MED12L: variants seen among roughly 807,000 people sequenced by gnomAD.
MED12L encodes the protein mediator of RNA polymerase II transcription subunit 12-like protein.
A neutral mutation model predicts 281.3 loss-of-function variants in MED12L; 60 were observed. That is an observed-to-expected ratio of 0.21 (90% CI 0.17 to 0.26). MED12L has a LOEUF of 0.26. MED12L is among the 10% of genes least tolerant of loss of function. The probability of loss-of-function intolerance (pLI) is 1.00; values close to 1 mark genes in which losing one functional copy is unlikely to be tolerated. For missense variants in MED12L, 2,146 were observed against 2,680.9 expected (o/e 0.80, Z 4.41); for synonymous variants, 974 against 987.2 (o/e 0.99, Z 0.25).
intron 16 of MED12L, among the ~76,000 whole-genome samples, chr3:151,250,208 G>T (rs1309614794): frequency 6.6e-6 from 1 of 152,078 alleles, no homozygotes; most frequent in African/African-American, 2.4e-5. Flanking sequence ...CCTCCTCATT[G>T]CACATTCCTC....
chr3:151,118,730 G>T (rs534455588), intron 3 of MED12L, among the ~76,000 whole-genome samples: 2 of 149,708 alleles, frequency 1.3e-5, no homozygotes, highest in African/African-American at 4.9e-5. Flanking sequence ...GTCTTGCTCC[G>T]TCGCCCAGGC....
chr3:151,273,119 C>A (rs1344261429), intron 16 of MED12L, among the ~76,000 whole-genome samples: 1 of 152,032 alleles, frequency 6.6e-6, no homozygotes, highest in African/African-American at 2.4e-5. Context: ...AATATTCAAC[C>A]TCTGTATCTC....
intron 16 of MED12L, among the ~76,000 whole-genome samples, chr3:151,274,527 G>C (rs961188325): frequency 4.6e-5 from 7 of 152,136 alleles, no homozygotes; most frequent in African/African-American, 1.7e-4. Context: ...AACACTAAAG[G>C]CCACCTCCTA....
chr3:151,087,222 A>G (rs1719365736), intron 2 of MED12L, among the ~76,000 whole-genome samples, 197 bp downstream of exon 2: 2 of 152,188 alleles, frequency 1.3e-5, no homozygotes. Context: ...CCCGCGCTCC[A>G]CTGGGGCGCT....
chr3:151,326,322 C>G (rs1355923938), intron 16 of MED12L: 1 of 152,558 alleles, frequency 6.6e-6, no homozygotes, highest in Non-Finnish European at 1.5e-5. Context: ...TTTATTTTAT[C>G]AAACATTTAT....
intron 16 of MED12L, among the ~76,000 whole-genome samples, chr3:151,233,485 A>G (rs11719236): frequency 3.9e-5 from 6 of 152,224 alleles, no homozygotes; most frequent in Non-Finnish European, 7.3e-5. Flanking sequence ...TGTAATCCCA[A>G]CACTTTGGGA....
At chr3:151,191,965 T>G (rs1724045325) in intron 14 of MED12L, among the ~76,000 whole-genome samples, 1 of 152,178 alleles carries the variant, frequency 6.6e-6, no homozygotes, top group Non-Finnish European at 1.5e-5. Context: ...ATTATTATTT[T>G]TTAAAACAGT....
intron 16 of MED12L, among the ~76,000 whole-genome samples, chr3:151,307,822 G>T (rs576871365): frequency 1.3e-5 from 2 of 152,106 alleles, no homozygotes; most frequent in East Asian, 3.9e-4. Flanking sequence ...GTGTTGCTTT[G>T]CTGGCCTAGT....
At chr3:151,124,315 T>C (rs1050063234) in intron 4 of MED12L, among the ~76,000 whole-genome samples, 3 of 152,250 alleles carry the variant, frequency 2.0e-5, no homozygotes, top group Non-Finnish European at 4.4e-5. Context: ...CCATTATTCT[T>C]CTTTCTTTAT....
At chr3:151,259,959 T>C (rs1053539666) in intron 16 of MED12L, among the ~76,000 whole-genome samples, 8 of 152,224 alleles carry the variant, frequency 5.3e-5, no homozygotes, top group African/African-American at 1.9e-4. Flanking sequence ...TTTTGGTATG[T>C]GGTAAATATT....
chr3:151,314,113 A>G (rs574452113), intron 16 of MED12L, among the ~76,000 whole-genome samples: 1 of 152,354 alleles, frequency 6.6e-6, no homozygotes, highest in South Asian at 2.1e-4. Flanking sequence ...GGAAATCATT[A>G]GAAATTACTG....
chr3:151,129,960 G>T (rs538207358), intron 5 of MED12L, among the ~76,000 whole-genome samples: 2 of 151,926 alleles, frequency 1.3e-5, no homozygotes, highest in African/African-American at 2.4e-5. Context: ...GTAGAGACAG[G>T]GTCTCACTGT....
Position 151,259,334 on chromosome 3 carries a change from T to G in MED12L, c.2250+65668T>G, listed in dbSNP as rs141733395. Among the ~76,000 whole-genome samples the G allele has an allele frequency of 3.5e-4, 54 of 152,366 alleles. 1 individual carries two copies. In the East Asian group the frequency reaches 8.7e-3, roughly 24 times the overall value. On this transcript the variant is annotated intron_variant, in intron 16 of 44. Coordinates refer to ENST00000687756, the MANE Select transcript of MED12L (RefSeq NM_001393769.1). ...GCCTTTAAGATTTAAGGAGGAATTT[T>G]CTGATCTGAGGTACAGAACCCCAGG...
chr3:151,397,988 C>G (rs577845894), intron 39 of MED12L, among the ~76,000 whole-genome samples: 79 of 152,180 alleles, frequency 5.2e-4, no homozygotes, highest in Non-Finnish European at 8.8e-4. Context: ...TAGTAACCCA[C>G]TGGTTACCCC....
At chr3:151,230,967 A>G (rs752445228) in intron 16 of MED12L, among the ~76,000 whole-genome samples, 16 of 152,216 alleles carry the variant, frequency 1.1e-4, no homozygotes, top group Non-Finnish European at 2.2e-4. Flanking sequence ...ACATCTTTTG[A>G]TCAGAAAGCA....
chr3:151,411,644 C>T lies in MED12L; in HGVS notation c.6140+137C>T, dbSNP rs146520513. ...GCAGATAATTTGCATTCTGTCATCT[C>T]GTTTTTAGTAGTATCCAGATAGAGG... is the stretch of plus-strand genomic sequence containing the variant. On this transcript the variant is annotated intron_variant, in intron 41 of 44. Coordinates refer to ENST00000687756, the MANE Select transcript of MED12L (RefSeq NM_001393769.1). 5.7e-5 allele frequency: 42 copies of T among 732,588 alleles called. No homozygotes were observed. The East Asian group carries it at 1.1e-3, about 18-fold the overall frequency. The allele number at this position is 732,588 out of a possible 1,614,324, so 45.4% of individuals were successfully genotyped here.
intron 5 of MED12L, among the ~76,000 whole-genome samples, chr3:151,139,475 T>A (rs1005060189): frequency 1.3e-5 from 2 of 152,214 alleles, no homozygotes; most frequent in Admixed American, 1.3e-4. Flanking sequence ...TTTTTATATG[T>A]GATTGTGTTA....
At chr3:151,332,640 A>G (rs1257659169) in intron 16 of MED12L, among the ~76,000 whole-genome samples, 1 of 152,252 alleles carries the variant, frequency 6.6e-6, no homozygotes, top group Non-Finnish European at 1.5e-5. Context: ...GTGAAAGTTA[A>G]TACATATACA....
intron 16 of MED12L, among the ~76,000 whole-genome samples, chr3:151,215,714 A>G (rs1728080610): frequency 6.6e-6 from 1 of 152,180 alleles, no homozygotes. Flanking sequence ...GAACAGTACC[A>G]ATTATCCTGC....
Sources: gnomAD v4.1 joint callset for allele counts (sites outside exome capture counted in the v4.1 genomes callset) on GRCh38, gnomAD v4.1.1 for gene constraint, MANE v1.5 for transcripts, NCBI Gene and HGNC (gene_info 2026-07-23, HGNC 2026-07-21) for gene names.